The following PCSK1 variants were observed in gnomAD, a reference collection of about 807,000 sequenced individuals.
PCSK1 encodes proprotein convertase subtilisin/kexin type 1, also known as neuroendocrine convertase 1.
Under a neutral mutation model 90.6 loss-of-function variants are expected in PCSK1, and 56 were observed. That is an observed-to-expected ratio of 0.62 (90% CI 0.50 to 0.77). The LOEUF (loss-of-function observed/expected upper bound fraction) is 0.77. Ranked by LOEUF, PCSK1 falls within the 30% of genes least tolerant of loss-of-function variation. The pLI, the probability that PCSK1 is intolerant of heterozygous loss-of-function variation, is 0.00. For missense variants in PCSK1, 801 were observed against 932.6 expected, an observed-to-expected ratio of 0.86 and a Z score of 1.84; for synonymous variants, 348 against 342.4, an observed-to-expected ratio of 1.02 and a Z score of -0.18.
intron 9 of PCSK1, among the ~76,000 whole-genome samples, chr5:96,400,391 TAA>T (rs1027722085): frequency 6.6e-6 from 1 of 152,238 alleles, no homozygotes; most frequent in African/African-American, 2.4e-5. Flanking sequence ...CTGTAACATA[TAA>T]GTTATGACTT....
At chr5:96,415,686 G>A (rs1055645787) in intron 6 of PCSK1, among the ~76,000 whole-genome samples, 7 of 152,160 alleles carry the variant, frequency 4.6e-5, no homozygotes, top group African/African-American at 1.7e-4. Context: ...GGCAGGAAAA[G>A]TCTTTGCCTA....
In PCSK1 at chr5:96,400,140, A is replaced by T; in HGVS notation, c.1243T>A (p.Ser415Thr). The T allele has an allele frequency of 6.2e-7, 1 of 1,614,160 alleles. No homozygotes were observed. The highest frequency in any genetic ancestry group is 2.2e-5 in the East Asian group (1 of 44,884). ...RDMQHLVVWT[S>T]EYDPLANNPG... is the part of the protein sequence containing the mutation. The stretch of plus-strand genomic sequence containing the variant: ...TTATTGGCCAGCGGGTCATACTCAG[A>T]GGTCCAGACAACCAGGTGCTGCATA... Residue 415 changes from serine to threonine, a missense_variant, in exon 10 of 14, where the codon TCT (serine) becomes ACT (threonine). Physicochemically the swap from Ser to Thr is moderately conservative, Grantham distance 58. Coordinates refer to ENST00000311106, the MANE Select transcript of PCSK1 (RefSeq NM_000439.5).
In PCSK1 at chr5:96,398,939, C is replaced by G. The variant is rs866860686; in HGVS notation, c.1528G>C (p.Glu510Gln). Residue 510 changes from glutamate (E) to glutamine (Q), a missense_variant, in exon 11 of 14, where the codon GAA becomes CAA. By Grantham distance (29) the Glu-to-Gln change is conservative. Transcript: ENST00000311106. Reference protein sequence around the residue: ...AIKSLEHVQFEATIEYSRRGD... With the variant: ...AIKSLEHVQFQATIEYSRRGD... ...CTTCGGGAATATTCAATTGTTGCTTCAAATTGTACATGCTCCAGGGACTTG... is the reference window on the plus strand; with the variant it reads ...CTTCGGGAATATTCAATTGTTGCTTGAAATTGTACATGCTCCAGGGACTTG... 1 of 1,613,030 alleles carries G rather than the reference C, an allele frequency of 6.2e-7. No homozygotes were observed. Among genetic ancestry groups the G allele is most frequent in the African/African-American group, 1.3e-5 (1 of 74,908 alleles).
At chr5:96,412,613 T>C (rs1296855381) in intron 6 of PCSK1, 123 bp from the exon 7 acceptor site, 19 of 855,050 alleles carry the variant, frequency 2.2e-5, no homozygotes, top group Non-Finnish European at 3.1e-5. Flanking sequence ...AGGTAACTAC[T>C]AGATAGATGT....
chr5:96,401,259 A>G (rs546937337), intron 9 of PCSK1, among the ~76,000 whole-genome samples: 295 of 152,268 alleles, frequency 1.9e-3, no homozygotes, highest in African/African-American at 6.8e-3. Context: ...TGGGGGAGAA[A>G]TATTTGAGCT....
chr5:96,402,115 C>T (rs1407775758), intron 9 of PCSK1, among the ~76,000 whole-genome samples: 1 of 152,182 alleles, frequency 6.6e-6, no homozygotes, highest in East Asian at 1.9e-4. Context: ...GCCTTCTCCC[C>T]AGAGCCCATC....
At position 96,421,861 on chromosome 5, in the gene PCSK1, C is replaced by T; in HGVS notation, c.620+19G>A. 7.7e-7 allele frequency: 1 copy of T among 1,296,714 alleles called. No individual in the cohort carries two copies. Among genetic ancestry groups the T allele is most frequent in the Non-Finnish European group, 1.1e-6 (1 of 891,066 alleles). 80.3% of individuals were successfully genotyped at this position (1,296,714 alleles called of 1,614,324 possible). ...GCATTGTAAAGTACTTTATTTCACA[C>T]AAATGCATATTTACTCACTTGTTCT... On this transcript the variant is annotated intron_variant, in intron 5 of 13. Coordinates refer to ENST00000311106, the MANE Select transcript of PCSK1 (RefSeq NM_000439.5).
chr5:96,404,986 C>G (rs1421740244), intron 9 of PCSK1, among the ~76,000 whole-genome samples: 1 of 152,084 alleles, frequency 6.6e-6, no homozygotes, highest in African/African-American at 2.4e-5. Flanking sequence ...CATAGTTGTT[C>G]CTGTGGGATG....
chr5:96,407,617 C>T (rs1760617109), intron 9 of PCSK1, among the ~76,000 whole-genome samples: 2 of 152,108 alleles, frequency 1.3e-5, no homozygotes, highest in African/African-American at 4.8e-5. Flanking sequence ...AGGAAATTGT[C>T]AGAGATGACA....
At chr5:96,406,383 A>G (rs1237918814) in intron 9 of PCSK1, among the ~76,000 whole-genome samples, 4 of 152,158 alleles carry the variant, frequency 2.6e-5, no homozygotes, top group Non-Finnish European at 4.4e-5. Context: ...ACTTCCTATT[A>G]TAAGTGAACT....
chr5:96,432,284 A>G, intron 1 of PCSK1: 1 of 669,808 alleles, frequency 1.5e-6, no homozygotes, highest in African/African-American at 1.8e-5. Context: ...TTCCCAGGCT[A>G]CTCCGCGGCC....
intron 5 of PCSK1, among the ~76,000 whole-genome samples, chr5:96,419,626 G>A (rs1334058871): frequency 6.6e-6 from 1 of 151,686 alleles, no homozygotes; most frequent in African/African-American, 2.4e-5. Flanking sequence ...TAACTGTTGG[G>A]CTATGACATG....
chr5:96,428,116 T>C (rs75040380), intron 2 of PCSK1, among the ~76,000 whole-genome samples: 3,746 of 152,334 alleles, frequency 0.025, 152 homozygotes, highest in African/African-American at 0.086. Context: ...TCCCATTCCC[T>C]ACCCTCATAA....
intron 6 of PCSK1, among the ~76,000 whole-genome samples, chr5:96,412,752 G>GTTTTTTTTTTTTTGTT (rs1554058734): frequency 0.013 from 956 of 71,712 alleles, 162 homozygotes; most frequent in African/African-American, 0.082. Flanking sequence ...CAGCTGTGAT[G>GTTTTTTTTTTTTTGTT]TTTTTTTTTT....
chr5:96,393,373 C>A lies in PCSK1; in HGVS notation c.1890G>T (p.Gln630His). Reference sequence around the variant, plus strand: ...TCTCCTTAGGGTTCTCTTGTGTGGGCTGCTCCTAAAACATAGAATGCCATC... The same window carrying A: ...TCTCCTTAGGGTTCTCTTGTGTGGGATGCTCCTAAAACATAGAATGCCATC... ...VEKMVDPGEE[Q>H]PTQENPKENT... is the part of the protein sequence containing the mutation. Residue 630 changes from glutamine to histidine, a missense_variant, in exon 14 of 14, where the codon CAG (glutamine) becomes CAT (histidine). Coordinates refer to ENST00000311106, the MANE Select transcript of PCSK1 (RefSeq NM_000439.5). 6.2e-7 allele frequency: 1 copy of A among 1,613,746 alleles called. No individual in the cohort carries two copies. The highest frequency in any genetic ancestry group is 8.5e-7 in the Non-Finnish European group (1 of 1,179,908).
At chr5:96,424,457 G>A (rs376081791) in intron 3 of PCSK1, among the ~76,000 whole-genome samples, 3 of 152,308 alleles carry the variant, frequency 2.0e-5, no homozygotes, top group South Asian at 2.1e-4. Context: ...CCCACCACTA[G>A]CAGCCATGGA....
rs1192324443 is a variant in PCSK1 at position 96,425,036 on chromosome 5, GAA to G, written c.396+782_396+783del. On this transcript the variant is annotated intron_variant, in intron 3 of 13. Coordinates refer to ENST00000311106, the MANE Select transcript of PCSK1 (RefSeq NM_000439.5). ...AGAAAGAAAGAAAGAAAGAAAGAAA[GAA>G]AGAAAGAAAGAAAGAAAGAAAGAAA... Among the ~76,000 whole-genome samples, 883 of 138,950 alleles carry G rather than the reference GAA, an allele frequency of 6.4e-3. 13 individuals are homozygous for G. Among genetic ancestry groups the G allele is most frequent in the African/African-American group, 0.024 (831 of 34,724 alleles). 91.2% of individuals were successfully genotyped at this position (138,950 alleles called of 152,430 possible). A position where few individuals can be genotyped will look rare whatever the true frequency, so the allele number is the denominator to read the frequency against.
intron 1 of PCSK1, chr5:96,432,279 A>C: frequency 1.4e-6 from 1 of 691,334 alleles, no homozygotes; most frequent in Non-Finnish European, 2.4e-6. Context: ...CCAGCTTCCC[A>C]GGCTACTCCG....
chr5:96,400,017 T>C lies in PCSK1; in HGVS notation c.1366A>G (p.Arg456Gly). ...TTCTCAGGCACGCTCCTCCAGGTCC[T>C]GGGGTCAGCTAAATCCACCAGAGCT... ...AKALVDLADP[R>G]TWRSVPEKKE... The change falls in exon 10 of 14, where the codon AGG (arginine) becomes GGG (glycine). Residue 456 changes from arginine (R) to glycine (G), a missense_variant. By Grantham distance (125) the Arg-to-Gly change is moderately radical. Coordinates refer to ENST00000311106, the MANE Select transcript of PCSK1 (RefSeq NM_000439.5). 6.2e-7 allele frequency: 1 copy of C among 1,614,236 alleles called. No homozygotes were observed. The highest frequency in any genetic ancestry group is 8.5e-7 in the Non-Finnish European group (1 of 1,180,034).
Sources: gnomAD v4.1 joint callset for allele counts (sites outside exome capture counted in the v4.1 genomes callset) on GRCh38, gnomAD v4.1.1 for gene constraint, MANE v1.5 for transcripts, NCBI Gene and HGNC (gene_info 2026-07-23, HGNC 2026-07-21) for gene names.